RPTOR: variants seen among roughly 807,000 people sequenced by gnomAD.
RPTOR encodes regulatory associated protein of MTOR complex 1, also known as regulatory-associated protein of mTOR.
RPTOR carries 21 observed loss-of-function variants against 169.9 expected under a neutral mutation model. The ratio of observed to expected loss-of-function variants is 0.12; its 90% CI spans 0.09 to 0.18. RPTOR has a LOEUF of 0.18. Among genes scored for constraint, RPTOR ranks in the 10% least tolerant of loss-of-function variants. RPTOR has a pLI of 1.00. For synonymous variants in RPTOR, 732 were observed against 753.2 expected (o/e 0.97, Z 0.46); for missense variants, 1,133 against 1,855.9 (o/e 0.61, Z 7.16).
chr17:80,564,910 C>T (rs2084559524), intron 1 of RPTOR, among the ~76,000 whole-genome samples: 1 of 152,202 alleles, frequency 6.6e-6, no homozygotes, highest in African/African-American at 2.4e-5. Context: ...CCACAAAGGA[C>T]ATGATCTTAT....
chr17:80,587,145 G>A (rs541419302), intron 1 of RPTOR, among the ~76,000 whole-genome samples: 1 of 151,284 alleles, frequency 6.6e-6, no homozygotes, highest in South Asian at 2.1e-4. Context: ...AGCCCCGCTC[G>A]CCCCTCTGGC....
At position 80,545,076 on chromosome 17, in the gene RPTOR, T is replaced by C; in HGVS notation, c.-554T>C. 4.3e-6 allele frequency: 1 copy of C among 233,588 alleles called. No individual in the cohort carries two copies. The highest frequency in any genetic ancestry group is 8.5e-6 in the Non-Finnish European group (1 of 118,048). 14.5% of individuals were successfully genotyped at this position (233,588 alleles called of 1,614,324 possible). ...AGGAACCGGGTGCAGGCGAGCACGA[T>C]GGGCCGGTCGTGGCTCTGGTTGCAG... is the stretch of plus-strand genomic sequence containing the variant. On this transcript the variant is annotated 5_prime_UTR_variant, in exon 1 of 34. It removes an upstream start codon present in the reference 5' UTR. Transcript: ENST00000306801.
At chr17:80,962,795 G>A (rs2069361937) in intron 32 of RPTOR, 133 bp from the exon 33 acceptor site, 1 of 1,459,762 alleles carries the variant, frequency 6.9e-7, no homozygotes, top group African/African-American at 1.4e-5. Context: ...AGAGTGACCA[G>A]AGGGTCACAC....
Position 80,931,143 on chromosome 17 carries a change from G to A in RPTOR, c.2919+5663G>A, listed in dbSNP as rs1284972462. 2.0e-5 allele frequency among the ~76,000 whole-genome samples: 3 copies of A among 152,148 alleles called. No homozygotes were observed. In the East Asian group the frequency reaches 5.8e-4, roughly 29 times the overall value. On this transcript the variant is annotated intron_variant, in intron 24 of 33. Transcript: ENST00000306801. ...GGGAAATATTGCTCTGGTAAAAGCCGCAGCCTGGTTCCACCTCCGCCTGCA... is the reference window on the plus strand; with the variant it reads ...GGGAAATATTGCTCTGGTAAAAGCCACAGCCTGGTTCCACCTCCGCCTGCA...
At chr17:80,940,745 A>G (rs2271609) in intron 25 of RPTOR, 144 bp downstream of exon 25, 324,160 of 606,920 alleles carry the variant, frequency 0.53, 88,626 homozygotes, top group African/African-American at 0.64. Context: ...CCCGCACCCC[A>G]CCTCCCTTGC....
intron 1 of RPTOR, among the ~76,000 whole-genome samples, chr17:80,555,374 A>G (rs758934733): frequency 2.0e-5 from 3 of 152,072 alleles, no homozygotes; most frequent in Non-Finnish European, 4.4e-5. Context: ...AGGTCCTTCT[A>G]TTGCTCCAGA....
intron 22 of RPTOR, among the ~76,000 whole-genome samples, chr17:80,923,046 C>A (rs539169071): frequency 1.3e-5 from 2 of 152,322 alleles, no homozygotes; most frequent in South Asian, 4.2e-4. Flanking sequence ...TCTTGAGGAA[C>A]CCTTCATGTG....
chr17:80,689,943 C>T (rs1165825315), intron 3 of RPTOR, among the ~76,000 whole-genome samples: 5 of 152,116 alleles, frequency 3.3e-5, no homozygotes, highest in African/African-American at 4.8e-5. Context: ...CTTGGAGAAA[C>T]GCTTCATGCA....
At chr17:80,893,956 G>T in intron 20 of RPTOR, 91 bp downstream of exon 20, 1 of 1,294,280 alleles carries the variant, frequency 7.7e-7, no homozygotes, top group South Asian at 1.7e-5. Flanking sequence ...CATCAGGTCA[G>T]TGGGTGTCAA....
chr17:80,717,513 C>A (rs1338489784), intron 4 of RPTOR, among the ~76,000 whole-genome samples: 2 of 152,140 alleles, frequency 1.3e-5, no homozygotes, highest in Admixed American at 1.3e-4. Flanking sequence ...TTATTTTGCA[C>A]ATCACGTGGC....
At chr17:80,856,104 G>GA (rs2067849498) in intron 12 of RPTOR, among the ~76,000 whole-genome samples, 1 of 152,234 alleles carries the variant, frequency 6.6e-6, no homozygotes, top group Non-Finnish European at 1.5e-5. Context: ...AGGAGGCTGA[G>GA]AGGGAACCAC....
At chr17:80,561,006 A>G (rs1279268068) in intron 1 of RPTOR, among the ~76,000 whole-genome samples, 1 of 152,070 alleles carries the variant, frequency 6.6e-6, no homozygotes, top group Non-Finnish European at 1.5e-5. Context: ...AGGAATTTGG[A>G]TTTTATCTTA....
At chr17:80,912,710 C>A (rs2068627180) in intron 21 of RPTOR, among the ~76,000 whole-genome samples, 1 of 152,178 alleles carries the variant, frequency 6.6e-6, no homozygotes, top group Non-Finnish European at 1.5e-5. Context: ...GCCCCCCTCT[C>A]CCACCACGGT....
chr17:80,925,039 G>T (rs987687162), intron 23 of RPTOR, among the ~76,000 whole-genome samples: 1 of 152,192 alleles, frequency 6.6e-6, no homozygotes, highest in Non-Finnish European at 1.5e-5. Context: ...GCTTTTTGGG[G>T]GTTGATAAAC....
chr17:80,873,415 C>T (rs765316922), intron 13 of RPTOR, among the ~76,000 whole-genome samples: 10 of 152,148 alleles, frequency 6.6e-5, no homozygotes, highest in South Asian at 4.1e-4. Flanking sequence ...GGAACCAGGA[C>T]GTGCTGCCTC....
intron 1 of RPTOR, among the ~76,000 whole-genome samples, chr17:80,615,814 T>G (rs1196293065): frequency 6.6e-6 from 1 of 152,188 alleles, no homozygotes; most frequent in East Asian, 1.9e-4. Flanking sequence ...GACGTCATCT[T>G]CCTGAAAATA....
At chr17:80,685,067 G>T (rs115476618) in intron 3 of RPTOR, among the ~76,000 whole-genome samples, 1 of 125,946 alleles carries the variant, frequency 7.9e-6, no homozygotes, top group East Asian at 1.9e-4. Flanking sequence ...TCTAGTTATT[G>T]TCAAATTCCC....
chr17:80,636,263 A>C (rs1395608353), intron 2 of RPTOR, among the ~76,000 whole-genome samples: 1 of 151,970 alleles, frequency 6.6e-6, no homozygotes, highest in Non-Finnish European at 1.5e-5. Context: ...TCTAGTCCCT[A>C]CTTCTACCCC....
At chr17:80,785,245 G>A (rs2066979921) in intron 6 of RPTOR, among the ~76,000 whole-genome samples, 2 of 152,132 alleles carry the variant, frequency 1.3e-5, no homozygotes, top group Admixed American at 1.3e-4. Context: ...GCTCTGGTCA[G>A]GATACAGAAA....
Sources: gnomAD v4.1 joint callset for allele counts (sites outside exome capture counted in the v4.1 genomes callset) on GRCh38, gnomAD v4.1.1 for gene constraint, MANE v1.5 for transcripts, NCBI Gene and HGNC (gene_info 2026-07-23, HGNC 2026-07-21) for gene names.